The following PHIP variants were observed in gnomAD, a reference collection of about 807,000 sequenced individuals.
PHIP encodes PHIP subunit of CUL4-Ring ligase complex.
In PHIP, 54 loss-of-function variants were observed where a neutral mutation model predicts 236.8. That is an observed-to-expected ratio of 0.23 (90% CI 0.18 to 0.29). The LOEUF is 0.29. PHIP is among the 10% of genes least tolerant of loss of function. PHIP has a pLI of 1.00. For missense variants in PHIP, 1,370 were observed against 2,190.8 expected, an observed-to-expected ratio of 0.63 and a Z score of 7.48; for synonymous variants, 756 against 718.9, an observed-to-expected ratio of 1.05 and a Z score of -0.83.
intron 36 of PHIP, among the ~76,000 whole-genome samples, chr6:78,947,117 A>G (rs1299422466): frequency 2.6e-5 from 4 of 152,190 alleles, no homozygotes; most frequent in Non-Finnish European, 4.4e-5. Context: ...GTCCGACTCT[A>G]AATTCAAATG....
intron 4 of PHIP, among the ~76,000 whole-genome samples, chr6:79,071,250 T>A (rs1295130190): frequency 6.6e-6 from 1 of 152,218 alleles, no homozygotes; most frequent in Admixed American, 6.5e-5. Flanking sequence ...CTTACATTCA[T>A]CACTATTCAA....
intron 27 of PHIP, among the ~76,000 whole-genome samples, chr6:78,968,354 T>C (rs947686374): frequency 1.3e-5 from 2 of 152,226 alleles, no homozygotes; most frequent in South Asian, 2.1e-4. Context: ...GGTCTACTTA[T>C]ACACAGATTT....
chr6:79,072,607 C>T (rs187025248), intron 4 of PHIP, among the ~76,000 whole-genome samples: 140 of 152,038 alleles, frequency 9.2e-4, no homozygotes, highest in Middle Eastern at 3.4e-3. Flanking sequence ...CCTCAGCCTT[C>T]GGGGTAATTG....
chr6:79,002,614 G>T (rs867299913), intron 16 of PHIP, among the ~76,000 whole-genome samples: 13 of 152,080 alleles, frequency 8.5e-5, no homozygotes, highest in Middle Eastern at 3.2e-3. Flanking sequence ...TGTGAATAGG[G>T]TTTGGTACTT....
intron 6 of PHIP, among the ~76,000 whole-genome samples, chr6:79,057,630 T>G (rs1773138680): frequency 1.3e-5 from 2 of 152,140 alleles, no homozygotes; most frequent in Admixed American, 1.3e-4. Flanking sequence ...TCAAGAATTT[T>G]TTCTTACCTC....
Position 78,945,444 on chromosome 6 carries a change from C to T in PHIP, c.4684G>A (p.Gly1562Ser). ...SKALNTLSSPGQSSFSHGTRN... is the reference protein window; with the variant it reads ...SKALNTLSSPSQSSFSHGTRN... ...GTGCCATGACTAAAACTGGATTGAC[C>T]AGGACTGGAAAGAGTATTCAAAGCT... The change falls in exon 39 of 40, where the codon GGT becomes AGT. Residue 1562 changes from glycine to serine, a missense_variant. Gly to Ser is a moderately conservative substitution (Grantham distance 56). Coordinates refer to ENST00000275034, the MANE Select transcript of PHIP (RefSeq NM_017934.7). 2 of 1,611,342 alleles carry T rather than the reference C, an allele frequency of 1.2e-6. No homozygotes were observed. Among genetic ancestry groups the T allele is most frequent in the East Asian group, 2.2e-5 (1 of 44,842 alleles).
At chr6:78,961,871 A>G in intron 30 of PHIP, 61 bp from the exon 31 acceptor site, 4 of 1,344,902 alleles carry the variant, frequency 3.0e-6, no homozygotes, top group Non-Finnish European at 4.1e-6. Context: ...TTCAAGAAGA[A>G]TTCTGCTTGA....
rs189095024 is a variant in PHIP at position 79,030,196 on chromosome 6, G to C, written c.601-4032C>G. 6.3e-4 allele frequency among the ~76,000 whole-genome samples: 96 copies of C among 152,218 alleles called. 1 individual carries two copies. The South Asian group carries it at 8.1e-3, about 13-fold the overall frequency. On this transcript the variant is annotated intron_variant, in intron 7 of 39. Coordinates refer to ENST00000275034, the MANE Select transcript of PHIP (RefSeq NM_017934.7). ...AAAAGTGAGAGGGAGAGAACAACAA[G>C]CGAATGAACTAAAAAAGTGAAGAAA... is the stretch of plus-strand genomic sequence containing the variant.
chr6:78,946,939 C>G, intron 36 of PHIP, 65 bp from the exon 37 acceptor site: 1 of 889,598 alleles, frequency 1.1e-6, no homozygotes, highest in Non-Finnish European at 1.7e-6. Context: ...TCAGTAAATA[C>G]TGTAATGTAA....
intron 16 of PHIP, 126 bp downstream of exon 16, chr6:79,003,604 A>C (rs946171609): frequency 3.2e-6 from 2 of 616,338 alleles, no homozygotes; most frequent in Non-Finnish European, 5.2e-6. Flanking sequence ...AGACTACTTA[A>C]CACAAGATTC....
At chr6:79,065,715 A>T (rs1383609693) in intron 4 of PHIP, among the ~76,000 whole-genome samples, 6 of 151,638 alleles carry the variant, frequency 4.0e-5, no homozygotes, top group Non-Finnish European at 7.4e-5. Context: ...CTACTTCACC[A>T]TTAACTACAA....
intron 9 of PHIP, among the ~76,000 whole-genome samples, chr6:79,023,965 C>G (rs185403088): frequency 1.4e-3 from 214 of 152,254 alleles, no homozygotes; most frequent in African/African-American, 4.9e-3. Context: ...ACAGTAGCAA[C>G]AATTAACAAT....
At chr6:79,000,859 G>A (rs1769940808) in intron 17 of PHIP, among the ~76,000 whole-genome samples, 1 of 152,068 alleles carries the variant, frequency 6.6e-6, no homozygotes, top group Middle Eastern at 3.2e-3. Context: ...AGGAGTAGCA[G>A]CAGGAATGAT....
In PHIP at chr6:78,940,837, C is replaced by G; in HGVS notation, c.5322G>C (p.Arg1774Ser). The change falls in exon 40 of 40, where the codon AGG becomes AGC. Residue 1774 changes from arginine (R) to serine (S), a missense_variant. Transcript: ENST00000275034. ...AGTCATCCTCATTATAGAAAGCTGT[C>G]CTTCGACCTTGATTTCTAGTTCTCA... ...PHMRTRNQGR[R>S]TAFYNEDDSE... 1 of 1,613,974 alleles carries G rather than the reference C, an allele frequency of 6.2e-7. No individual in the cohort carries two copies. The highest frequency in any genetic ancestry group is 1.1e-5 in the South Asian group (1 of 91,072).
chr6:78,962,860 T>A (rs1436267717), intron 30 of PHIP, among the ~76,000 whole-genome samples: 1 of 152,168 alleles, frequency 6.6e-6, no homozygotes, highest in Admixed American at 6.5e-5. Context: ...CAGAGATGCC[T>A]CTGGCACTTC....
chr6:79,049,058 CTT>C (rs1772654465), intron 6 of PHIP, among the ~76,000 whole-genome samples: 1 of 151,316 alleles, frequency 6.6e-6, no homozygotes, highest in African/African-American at 2.4e-5. Context: ...TTTTTATCCT[CTT>C]TTGACTAGTT....
intron 35 of PHIP, among the ~76,000 whole-genome samples, chr6:78,953,053 A>T (rs533845666): frequency 2.0e-5 from 3 of 150,866 alleles, no homozygotes; most frequent in Non-Finnish European, 4.4e-5. Flanking sequence ...TTTTTTTTTT[A>T]AATCATTAGT....
chr6:78,988,419 A>AT, intron 20 of PHIP, 70 bp from the exon 21 acceptor site: 2 of 1,199,294 alleles, frequency 1.7e-6, no homozygotes, highest in Non-Finnish European at 2.3e-6. Context: ...AAAAGTTAAA[A>AT]TTTTTTAATT....
intron 29 of PHIP, among the ~76,000 whole-genome samples, chr6:78,965,111 TATTATC>T (rs1767046808): frequency 6.6e-6 from 1 of 152,220 alleles, no homozygotes; most frequent in Non-Finnish European, 1.5e-5. Context: ...ATGACAGTTA[TATTATC>T]ATTATTAATT....
Sources: gnomAD v4.1 joint callset for allele counts (sites outside exome capture counted in the v4.1 genomes callset) on GRCh38, gnomAD v4.1.1 for gene constraint, MANE v1.5 for transcripts, NCBI Gene and HGNC (gene_info 2026-07-23, HGNC 2026-07-21) for gene names.